The following XRN1 variants were observed in gnomAD, a reference collection of about 807,000 sequenced individuals.
The protein encoded by XRN1 is strand-exchange protein 1 homolog.
A neutral mutation model predicts 222.3 loss-of-function variants in XRN1; 67 were observed. The observed-to-expected ratio is 0.30, with a 90% CI of 0.25 to 0.37. The LOEUF (loss-of-function observed/expected upper bound fraction) is 0.37, where lower values mean the gene tolerates loss of function less well. Ranked by LOEUF, XRN1 falls within the 10% of genes least tolerant of loss-of-function variation. The pLI is 1.00. For missense variants in XRN1, 1,707 were observed against 2,000.2 expected (o/e 0.85, Z 2.80); for synonymous variants, 643 against 652.4 (o/e 0.99, Z 0.22).
At chr3:142,384,322 T>C (rs1032581277) in intron 21 of XRN1, among the ~76,000 whole-genome samples, 2 of 150,990 alleles carry the variant, frequency 1.3e-5, no homozygotes, top group African/African-American at 4.9e-5. Context: ...AAAAGACAAG[T>C]TTCCTAACTA....
chr3:142,384,288 A>G (rs1196545763), intron 21 of XRN1, among the ~76,000 whole-genome samples: 2 of 151,800 alleles, frequency 1.3e-5, no homozygotes, highest in Admixed American at 1.3e-4. Flanking sequence ...AAAAAAAGAA[A>G]AAAAAAAAAG....
intron 27 of XRN1, among the ~76,000 whole-genome samples, chr3:142,368,984 A>G (rs2066901267): frequency 6.6e-6 from 1 of 152,150 alleles, no homozygotes; most frequent in Non-Finnish European, 1.5e-5. Context: ...AATTTTACCA[A>G]TGAGGAAACA....
At chr3:142,417,114 C>T in intron 13 of XRN1, 26 bp downstream of exon 13, 1 of 1,550,334 alleles carries the variant, frequency 6.5e-7, no homozygotes, top group South Asian at 1.2e-5. Context: ...AAAGACAAAA[C>T]TTTATTTTTG....
chr3:142,352,548 CTCTTT>C (rs2066339931), intron 32 of XRN1, among the ~76,000 whole-genome samples: 1 of 151,596 alleles, frequency 6.6e-6, no homozygotes, highest in Non-Finnish European at 1.5e-5. Context: ...TTGTAATTTT[CTCTTT>C]TATCTCTGAT....
rs1014130920 is a variant in XRN1 at position 142,308,449 on chromosome 3, T to A, written c.*3062A>T. The A allele has an allele frequency of 1.3e-5, 2 of 152,168 alleles. No individual in the cohort carries two copies. The highest frequency in any genetic ancestry group is 4.8e-5 in the African/African-American group (2 of 41,450). 9.4% of individuals were successfully genotyped at this position (152,168 alleles called of 1,614,324 possible). A position where few individuals can be genotyped will look rare whatever the true frequency, so the allele number is the denominator to read the frequency against. ...ACCAATCGGGAAAAAAACCCTTCAATCTTTATTAGTTACCCCTTTGAAAAG... is the reference window on the plus strand; with the variant it reads ...ACCAATCGGGAAAAAAACCCTTCAAACTTTATTAGTTACCCCTTTGAAAAG... On this transcript the variant is annotated 3_prime_UTR_variant, in exon 41 of 41. Coordinates refer to ENST00000392981, the MANE Select transcript of XRN1 (RefSeq NM_001282857.2).
rs376986431 is a variant in XRN1 at position 142,444,795 on chromosome 3, G to T, written c.75+3075C>A. Among the ~76,000 whole-genome samples the T allele has an allele frequency of 4.7e-4, 71 of 151,840 alleles. No homozygotes were observed. In the South Asian group the frequency reaches 0.014, roughly 31 times the overall value. ...ATTATTACACACTGCATGCCTGTAC[G>T]AAAACATCTCATGAACCCCATAAGT... On this transcript the variant is annotated intron_variant, in intron 1 of 40. Coordinates refer to ENST00000392981, the MANE Select transcript of XRN1 (RefSeq NM_001282857.2).
chr3:142,384,358 A>C (rs188816646), intron 21 of XRN1, among the ~76,000 whole-genome samples, 165 bp downstream of exon 21: 52 of 152,104 alleles, frequency 3.4e-4, no homozygotes, highest in Non-Finnish European at 6.2e-4. Flanking sequence ...TGAGCATGTA[A>C]TACTTCTTAC....
At chr3:142,384,811 C>T (rs918934495) in intron 20 of XRN1, 126 bp from the exon 21 acceptor site, 18 of 694,384 alleles carry the variant, frequency 2.6e-5, no homozygotes, top group African/African-American at 7.3e-5. Flanking sequence ...TAAATAAATA[C>T]GCTAGCAGTT....
In XRN1 at chr3:142,332,226, C is replaced by A. The variant is rs888535123; in HGVS notation, c.4222+149G>T. 7 of 668,728 alleles carry A rather than the reference C, an allele frequency of 1.0e-5. No individual in the cohort carries two copies. The African/African-American group carries it at 1.1e-4, about 10-fold the overall frequency. The allele number at this position is 668,728 out of a possible 1,614,324, so 41.4% of individuals were successfully genotyped here. ...CTTGAGGTCAGAAGTTTGAGACCAG[C>A]CTGGCCAACACAGCAAGACACCATC... On this transcript the variant is annotated intron_variant, in intron 36 of 40. Transcript: ENST00000392981.
chr3:142,390,255 T>G (rs1230975071), intron 20 of XRN1, among the ~76,000 whole-genome samples: 1 of 152,244 alleles, frequency 6.6e-6, no homozygotes, highest in Non-Finnish European at 1.5e-5. Flanking sequence ...TTTGAGGCTT[T>G]GAAGCCAGGC....
intron 12 of XRN1, chr3:142,417,846 G>A (rs2068843822): frequency 3.9e-5 from 6 of 152,092 alleles, no homozygotes; most frequent in Admixed American, 3.9e-4. Flanking sequence ...ACATATTTCT[G>A]GGAGGTAGTT....
At chr3:142,334,909 C>T (rs1329664352) in intron 34 of XRN1, among the ~76,000 whole-genome samples, 3 of 151,198 alleles carry the variant, frequency 2.0e-5, no homozygotes, top group African/African-American at 7.3e-5. Context: ...GATTTCAGCT[C>T]ACTGCGACCT....
chr3:142,337,235 T>C (rs996820037), intron 33 of XRN1, among the ~76,000 whole-genome samples: 1 of 152,186 alleles, frequency 6.6e-6, no homozygotes, highest in Non-Finnish European at 1.5e-5. Flanking sequence ...CAGAAAGGCC[T>C]TTCTTGTAAA....
At chr3:142,369,623 C>T (rs952904363) in intron 27 of XRN1, among the ~76,000 whole-genome samples, 8 of 135,974 alleles carry the variant, frequency 5.9e-5, no homozygotes, top group African/African-American at 8.3e-5. Context: ...ACTCCAGCCT[C>T]GGTGACAGAG....
intron 32 of XRN1, among the ~76,000 whole-genome samples, chr3:142,351,610 TTTAA>T (rs1385098637): frequency 6.6e-6 from 1 of 152,184 alleles, no homozygotes; most frequent in Non-Finnish European, 1.5e-5. Context: ...TGTTCAACTT[TTTAA>T]TTAACTCCCT....
intron 18 of XRN1, among the ~76,000 whole-genome samples, chr3:142,401,386 T>C (rs894698700): frequency 6.6e-6 from 1 of 152,174 alleles, no homozygotes; most frequent in Admixed American, 6.5e-5. Flanking sequence ...AAATATTCTG[T>C]AGGAAATAAT....
chr3:142,392,048 T>C (rs781140997), intron 20 of XRN1, among the ~76,000 whole-genome samples: 179 of 152,220 alleles, frequency 1.2e-3, no homozygotes, highest in Non-Finnish European at 1.3e-3. Flanking sequence ...CTCCATTTTA[T>C]CCTCAACTTC....
Position 142,318,893 on chromosome 3 carries a change from A to G in XRN1, c.4415T>C (p.Val1472Ala). 6.2e-7 allele frequency: 1 copy of G among 1,613,342 alleles called. No homozygotes were observed. Among genetic ancestry groups the G allele is most frequent in the Non-Finnish European group, 8.5e-7 (1 of 1,179,666 alleles). Residue 1472 changes from valine to alanine, a missense_variant, in exon 38 of 41, where the codon GTT (valine) becomes GCT (alanine). Val to Ala is a moderately conservative substitution (Grantham distance 64). This residue lies in a region of XRN1 where 473 missense variants were observed against 482.0 expected (regional missense o/e 0.98). Coordinates refer to ENST00000392981, the MANE Select transcript of XRN1 (RefSeq NM_001282857.2). ...GCCATTAGATAATTTTACTTGGCAA[A>G]CGGTCATTGTCTAAAAAAAGAGAAT... Reference protein sequence around the residue: ...SFLRMPQTMTVCQVKLSNGLL... With the variant: ...SFLRMPQTMTACQVKLSNGLL...
chr3:142,419,193 T>C (rs546230991), intron 10 of XRN1, among the ~76,000 whole-genome samples: 380 of 152,314 alleles, frequency 2.5e-3, no homozygotes, highest in Non-Finnish European at 4.5e-3. Context: ...TCTCTAAAGT[T>C]AGCTGCATAT....
Sources: gnomAD v4.1 joint callset for allele counts (sites outside exome capture counted in the v4.1 genomes callset) on GRCh38, gnomAD v4.1.1 for gene constraint, gnomAD v4.1.1 regional missense constraint, MANE v1.5 for transcripts, NCBI Gene and HGNC (gene_info 2026-07-23, HGNC 2026-07-21) for gene names.